Variants in PHF2 observed in about 807,000 individuals in gnomAD.
PHF2 encodes the protein PHD finger protein 2.
Under a neutral mutation model 120.5 loss-of-function variants are expected in PHF2, and 27 were observed. That is an observed-to-expected ratio of 0.22 (90% CI 0.17 to 0.31). The LOEUF (loss-of-function observed/expected upper bound fraction) is 0.31. Ranked by LOEUF, PHF2 falls within the 10% of genes least tolerant of loss-of-function variation. The pLI is 1.00. For missense variants in PHF2, 1,024 were observed against 1,434.8 expected (o/e 0.71, Z 4.63); for synonymous variants, 568 against 592.5 (o/e 0.96, Z 0.60).
chr9:93,669,731 G>A (rs1205141297), intron 17 of PHF2, among the ~76,000 whole-genome samples: 1 of 152,192 alleles, frequency 6.6e-6, no homozygotes, highest in Non-Finnish European at 1.5e-5. Context: ...TGTCCAAGTT[G>A]CCTCACCAGC....
At chr9:93,663,910 G>C (rs970640063) in intron 14 of PHF2, among the ~76,000 whole-genome samples, 1 of 152,186 alleles carries the variant, frequency 6.6e-6, no homozygotes, top group South Asian at 2.1e-4. Flanking sequence ...CCCTGTTCCT[G>C]GCACGTCTTC....
intron 1 of PHF2, among the ~76,000 whole-genome samples, chr9:93,615,485 G>C (rs1268079225): frequency 2.0e-5 from 3 of 152,168 alleles, no homozygotes; most frequent in African/African-American, 7.2e-5. Context: ...GGTAGGCATG[G>C]TACATACAAT....
chr9:93,646,915 G>A (rs963836294), intron 4 of PHF2, among the ~76,000 whole-genome samples: 8 of 152,222 alleles, frequency 5.3e-5, no homozygotes, highest in African/African-American at 1.9e-4. Context: ...TGATTCTGTG[G>A]GGTTCTTACT....
Position 93,576,760 on chromosome 9 carries a change from C to T in PHF2, c.-14C>T. ...GCGCAGCGGCGGGGCCGAGCGGCGG[C>T]GCGGCGCGGCAACATGGCGACGGTG... On this transcript the variant is annotated 5_prime_UTR_variant, in exon 1 of 22. Transcript: ENST00000359246. 8.4e-7 allele frequency: 1 copy of T among 1,194,674 alleles called. No homozygotes were observed. Among genetic ancestry groups the T allele is most frequent in the South Asian group, 1.4e-5 (1 of 70,922 alleles). 74.0% of individuals were successfully genotyped at this position (1,194,674 alleles called of 1,614,324 possible).
intron 6 of PHF2, among the ~76,000 whole-genome samples, 199 bp downstream of exon 6, chr9:93,653,564 C>T (rs1826405182): frequency 6.6e-6 from 1 of 152,334 alleles, no homozygotes; most frequent in East Asian, 1.9e-4. Context: ...CAGAGAACCG[C>T]ATGAGTGTCT....
chr9:93,588,655 G>A (rs946270640), intron 1 of PHF2, among the ~76,000 whole-genome samples: 2 of 152,204 alleles, frequency 1.3e-5, no homozygotes, highest in African/African-American at 4.8e-5. Context: ...ACTTTGGGAG[G>A]CTGAGGCAGG....
At chr9:93,596,763 T>TG (rs1323257832) in intron 1 of PHF2, among the ~76,000 whole-genome samples, 8 of 151,760 alleles carry the variant, frequency 5.3e-5, no homozygotes, top group African/African-American at 1.9e-4. Flanking sequence ...TTTTTTTGTT[T>TG]TTTGTTTTTT....
intron 1 of PHF2, among the ~76,000 whole-genome samples, chr9:93,604,495 C>T (rs1032794253): frequency 2.7e-5 from 4 of 150,470 alleles, no homozygotes; most frequent in East Asian, 2.0e-4. Context: ...GACAGAGTCT[C>T]GCTCTGTCGC....
chr9:93,649,749 C>T (rs1400271250), intron 5 of PHF2, among the ~76,000 whole-genome samples: 1 of 152,124 alleles, frequency 6.6e-6, no homozygotes, highest in Non-Finnish European at 1.5e-5. Context: ...CTCTGACCCT[C>T]ACATTCGCTC....
intron 6 of PHF2, among the ~76,000 whole-genome samples, chr9:93,653,815 C>G (rs907532593): frequency 6.6e-6 from 1 of 152,174 alleles, no homozygotes; most frequent in Non-Finnish European, 1.5e-5. Context: ...TAAATAGCAA[C>G]AGAAACAAAG....
At chr9:93,641,712 CT>C (rs1826174392) in intron 3 of PHF2, among the ~76,000 whole-genome samples, 1 of 152,218 alleles carries the variant, frequency 6.6e-6, no homozygotes, top group South Asian at 2.1e-4. Context: ...TTACCAGACA[CT>C]TTCTGCCATT....
At chr9:93,665,613 C>T in intron 14 of PHF2, 73 bp from the exon 15 acceptor site, 1 of 1,518,424 alleles carries the variant, frequency 6.6e-7, no homozygotes, top group Non-Finnish European at 8.9e-7. Flanking sequence ...GCAGAGGACC[C>T]CTCGGGAGGT....
In PHF2 at chr9:93,636,517, C is replaced by T. The variant is rs1294007602; in HGVS notation, c.291C>T (p.Thr97=). ...QLFIKELRSR[T]FPSAEDVVAR... ...TCATCAAGGAGCTGCGGAGCCGGAC[C>T]TTTCCCAGGTGGGCTGGCCTTCCTG... Residue 97 remains threonine, a synonymous_variant, in exon 3 of 22, where the codon ACC becomes ACT. Transcript: ENST00000359246. 4 of 1,587,606 alleles carry T rather than the reference C, an allele frequency of 2.5e-6. No individual in the cohort carries two copies. In the African/African-American group the frequency reaches 4.0e-5, roughly 16 times the overall value.
intron 1 of PHF2, among the ~76,000 whole-genome samples, chr9:93,607,373 G>A (rs1018735119): frequency 5.9e-5 from 9 of 151,550 alleles, no homozygotes; most frequent in African/African-American, 2.2e-4. Context: ...CTGGGTTCAA[G>A]CGATCCTCCC....
At position 93,675,697 on chromosome 9, in the gene PHF2, G is replaced by T. The variant is rs374623814; in HGVS notation, c.2740G>T (p.Val914Leu). 6.2e-7 allele frequency: 1 copy of T among 1,612,774 alleles called. No individual in the cohort carries two copies. The highest frequency in any genetic ancestry group is 2.2e-5 in the East Asian group (1 of 44,866). The change falls in exon 20 of 22, where the codon GTG becomes TTG. Residue 914 changes from valine to leucine, a missense_variant. Val to Leu is a conservative substitution (Grantham distance 32). Transcript: ENST00000359246. ...YSPTARVGPS[V>L]PRQDRPVREG... is the part of the protein sequence containing the mutation. Reference sequence around the variant, plus strand: ...TTCCACAGCAAGGGTCGGCCCATCGGTGCCAAGACAGGACAGGCCTGTGCG... The same window carrying T: ...TTCCACAGCAAGGGTCGGCCCATCGTTGCCAAGACAGGACAGGCCTGTGCG...
At chr9:93,604,894 T>C (rs1021098403) in intron 1 of PHF2, among the ~76,000 whole-genome samples, 1 of 152,242 alleles carries the variant, frequency 6.6e-6, no homozygotes, top group African/African-American at 2.4e-5. Flanking sequence ...CTTCCCTTTA[T>C]GTCTTAGCAT....
rs373014890 is a variant in PHF2 at position 93,636,453 on chromosome 9, C to T, written c.227C>T (p.Ala76Val). 6.4e-5 allele frequency: 103 copies of T among 1,610,404 alleles called. No individual in the cohort carries two copies. Among genetic ancestry groups the T allele is most frequent in the African/African-American group, 4.7e-4 (35 of 74,994 alleles). ...RTWHKHGPGQ[A>V]PDVKPVQNGS... Reference sequence around the variant, plus strand: ...TGGCACAAACACGGCCCGGGGCAAGCGCCTGACGTCAAGCCCGTGCAGAAT... The same window carrying T: ...TGGCACAAACACGGCCCGGGGCAAGTGCCTGACGTCAAGCCCGTGCAGAAT... Residue 76 changes from alanine (A) to valine (V), a missense_variant, in exon 3 of 22, where the codon GCG (alanine) becomes GTG (valine). This residue lies in a region of PHF2 where 347 missense variants were observed against 577.4 expected (regional missense o/e 0.60). Transcript: ENST00000359246.
chr9:93,642,311 G>A (rs955143829), intron 3 of PHF2, among the ~76,000 whole-genome samples: 13 of 152,230 alleles, frequency 8.5e-5, no homozygotes, highest in Admixed American at 3.9e-4. Context: ...CTGCAAAGAA[G>A]TCAGCTGGGA....
chr9:93,630,353 A>C (rs933278904), intron 2 of PHF2, among the ~76,000 whole-genome samples: 2 of 152,256 alleles, frequency 1.3e-5, no homozygotes, highest in Admixed American at 1.3e-4. Context: ...TTAGGGGGAC[A>C]CGGACTTGGG....
Sources: allele counts gnomAD v4.1 joint callset (sites outside exome capture counted in the v4.1 genomes callset), GRCh38; gene constraint gnomAD v4.1.1; regional missense constraint gnomAD v4.1.1; transcripts MANE v1.5; gene names NCBI Gene and HGNC (gene_info 2026-07-23, HGNC 2026-07-21).